Variants in CACNA2D3 observed in about 807,000 individuals in gnomAD.
CACNA2D3 encodes the protein voltage-dependent calcium channel subunit alpha-2/delta-3.
In CACNA2D3, 60 loss-of-function variants were observed where a neutral mutation model predicts 160.6. The ratio of observed to expected loss-of-function variants is 0.37; its 90% CI spans 0.30 to 0.46. CACNA2D3 has a LOEUF of 0.46. CACNA2D3 is among the 20% of genes least tolerant of loss of function. CACNA2D3 has a pLI of 1.00. For synonymous variants in CACNA2D3, 558 were observed against 492.9 expected (o/e 1.13, Z -1.75); for missense variants, 1,205 against 1,365.0 (o/e 0.88, Z 1.85).
At chr3:54,259,142 T>TA (rs1054543601) in intron 2 of CACNA2D3, among the ~76,000 whole-genome samples, 1 of 152,198 alleles carries the variant, frequency 6.6e-6, no homozygotes, top group Non-Finnish European at 1.5e-5. Flanking sequence ...TAGAGTTGGC[T>TA]AAAAAATGGG....
chr3:54,409,095 C>T (rs1699623274), intron 4 of CACNA2D3, among the ~76,000 whole-genome samples: 1 of 152,142 alleles, frequency 6.6e-6, no homozygotes, highest in Non-Finnish European at 1.5e-5. Context: ...GCTCTATTGC[C>T]CATCACAGAT....
intron 3 of CACNA2D3, among the ~76,000 whole-genome samples, chr3:54,360,995 A>G (rs1698732128): frequency 6.6e-6 from 1 of 152,100 alleles, no homozygotes; most frequent in African/African-American, 2.4e-5. Flanking sequence ...AAATTTCAAA[A>G]AAGAAGAAGA....
At chr3:54,856,472 A>T (rs897703647) in intron 17 of CACNA2D3, among the ~76,000 whole-genome samples, 1 of 151,632 alleles carries the variant, frequency 6.6e-6, no homozygotes. Context: ...TCCCTCCCCC[A>T]CCTGCTCCTG....
chr3:54,996,148 A>G (rs931874303), intron 31 of CACNA2D3, among the ~76,000 whole-genome samples: 2 of 152,376 alleles, frequency 1.3e-5, no homozygotes, highest in South Asian at 2.1e-4. Context: ...CAGTACAGGC[A>G]TCATTGTGGT....
chr3:54,822,191 G>A (rs927932459), intron 14 of CACNA2D3, among the ~76,000 whole-genome samples: 5 of 152,028 alleles, frequency 3.3e-5, no homozygotes, highest in African/African-American at 7.3e-5. Context: ...TTCCCAAGCC[G>A]GGGGTGTTAA....
intron 4 of CACNA2D3, among the ~76,000 whole-genome samples, chr3:54,413,424 C>CTA (rs151332125): frequency 0.12 from 18,129 of 145,436 alleles, 1,301 homozygotes; most frequent in African/African-American, 0.2. Flanking sequence ...ATATAGATAT[C>CTA]TATATATATA....
At chr3:54,320,245 G>C (rs1415618257) in intron 2 of CACNA2D3, among the ~76,000 whole-genome samples, 197 bp from the exon 3 acceptor site, 1 of 152,202 alleles carries the variant, frequency 6.6e-6, no homozygotes, top group Non-Finnish European at 1.5e-5. Context: ...TCTCCCAGGA[G>C]AGCCAGAGTC....
chr3:54,935,909 T>G (rs2106968894), intron 27 of CACNA2D3, among the ~76,000 whole-genome samples: 1 of 152,292 alleles, frequency 6.6e-6, no homozygotes. Context: ...GTAGCCCACA[T>G]TACACATCCT....
At chr3:54,836,178 C>G (rs539377426) in intron 14 of CACNA2D3, among the ~76,000 whole-genome samples, 8 of 150,276 alleles carry the variant, frequency 5.3e-5, no homozygotes, top group African/African-American at 1.7e-4. Context: ...GAGAGGTTTA[C>G]AGACGTGAAT....
chr3:54,919,146 G>A (rs1700760535), intron 27 of CACNA2D3, among the ~76,000 whole-genome samples: 1 of 152,172 alleles, frequency 6.6e-6, no homozygotes. Flanking sequence ...TAACCTTCAT[G>A]TTCTCTAAAT....
intron 4 of CACNA2D3, among the ~76,000 whole-genome samples, chr3:54,420,116 G>A (rs911287784): frequency 6.6e-5 from 10 of 151,520 alleles, no homozygotes; most frequent in African/African-American, 2.2e-4. Flanking sequence ...ATGGAGTCTC[G>A]CTCTGTCGCC....
chr3:54,305,869 A>G (rs1030538315), intron 2 of CACNA2D3, among the ~76,000 whole-genome samples: 24 of 152,356 alleles, frequency 1.6e-4, no homozygotes, highest in African/African-American at 5.3e-4. Context: ...TTTGTCATCA[A>G]CAGAAATCAC....
chr3:54,868,419 A>G (rs1411194268), intron 17 of CACNA2D3, among the ~76,000 whole-genome samples: 1 of 152,296 alleles, frequency 6.6e-6, no homozygotes, highest in East Asian at 1.9e-4. Context: ...ATGGTGGCTC[A>G]TGGGCTAGTA....
intron 27 of CACNA2D3, among the ~76,000 whole-genome samples, chr3:54,904,755 C>T (rs2106898250): frequency 6.6e-6 from 1 of 152,290 alleles, no homozygotes; most frequent in South Asian, 2.1e-4. Flanking sequence ...TTCATTTTCA[C>T]CTTCTTTATG....
chr3:54,926,135 T>C (rs1701008140), intron 27 of CACNA2D3, among the ~76,000 whole-genome samples: 1 of 152,154 alleles, frequency 6.6e-6, no homozygotes, highest in Non-Finnish European at 1.5e-5. Flanking sequence ...CTCACACCAT[T>C]ACTGATGTAT....
intron 2 of CACNA2D3, among the ~76,000 whole-genome samples, chr3:54,132,144 G>A (rs759122086): frequency 1.3e-5 from 2 of 152,152 alleles, no homozygotes; most frequent in Non-Finnish European, 2.9e-5. Flanking sequence ...CAGCTCAATG[G>A]GCATAGGCTT....
chr3:54,750,926 T>G (rs1030271929), intron 11 of CACNA2D3, among the ~76,000 whole-genome samples: 3 of 151,888 alleles, frequency 2.0e-5, no homozygotes, highest in African/African-American at 7.3e-5. Context: ...CATGCCACCA[T>G]GCACAGCTAA....
chr3:54,627,381 C>T lies in CACNA2D3; in HGVS notation c.964-406C>T, dbSNP rs1484289589. ...GATGTGAAAAGTGGGTGGGAGAGGG[C>T]GTGGCAGGAGAGCCAGGGAATGGAT... On this transcript the variant is annotated intron_variant, in intron 9 of 37. Coordinates refer to ENST00000474759, the MANE Select transcript of CACNA2D3 (RefSeq NM_018398.3). Among the ~76,000 whole-genome samples, 6 of 152,012 alleles carry T rather than the reference C, an allele frequency of 3.9e-5. No homozygotes were observed. The South Asian group carries it at 6.2e-4, about 16-fold the overall frequency.
intron 3 of CACNA2D3, among the ~76,000 whole-genome samples, chr3:54,341,572 G>A (rs1014015229): frequency 1.3e-5 from 2 of 152,164 alleles, no homozygotes; most frequent in Non-Finnish European, 2.9e-5. Context: ...ATAATTTAAA[G>A]CCTGGGAGCA....
Sources: allele counts gnomAD v4.1 joint callset (sites outside exome capture counted in the v4.1 genomes callset), GRCh38; gene constraint gnomAD v4.1.1; transcripts MANE v1.5; gene names NCBI Gene and HGNC (gene_info 2026-07-23, HGNC 2026-07-21).